RAF1: variants seen among roughly 807,000 people sequenced by gnomAD.
RAF1 encodes Raf-1 proto-oncogene, serine/threonine kinase.
Under a neutral mutation model 81.1 loss-of-function variants are expected in RAF1, and 27 were observed. The ratio of observed to expected loss-of-function variants is 0.33; its 90% confidence interval spans 0.25 to 0.46. The LOEUF (loss-of-function observed/expected upper bound fraction) is 0.46. Ranked by LOEUF, RAF1 falls within the 20% of genes least tolerant of loss-of-function variation. The pLI is 1.00. For synonymous variants in RAF1, 298 were observed against 294.0 expected (o/e 1.01, Z -0.14); for missense variants, 598 against 826.0 (o/e 0.72, Z 3.38).
chr3:12,629,572 A>G (rs1433528476), intron 1 of RAF1, among the ~76,000 whole-genome samples: 1 of 152,186 alleles, frequency 6.6e-6, no homozygotes, highest in Non-Finnish European at 1.5e-5. Context: ...ATAAAGGTTA[A>G]GTAAAAATGT....
At chr3:12,642,737 T>C (rs951770586) in intron 1 of RAF1, among the ~76,000 whole-genome samples, 2 of 140,156 alleles carry the variant, frequency 1.4e-5, no homozygotes, top group African/African-American at 5.4e-5. Flanking sequence ...CTGCGTATGG[T>C]GGCATGGGCC....
chr3:12,650,934 G>A (rs2060503942), intron 1 of RAF1, among the ~76,000 whole-genome samples: 1 of 152,108 alleles, frequency 6.6e-6, no homozygotes, highest in South Asian at 2.1e-4. Context: ...AGCTTAAAGG[G>A]GCAATATTTC....
intron 11 of RAF1, among the ~76,000 whole-genome samples, chr3:12,593,515 A>G (rs1390856656): frequency 6.6e-6 from 1 of 152,162 alleles, no homozygotes; most frequent in East Asian, 1.9e-4. Flanking sequence ...CAGCCTCCAA[A>G]GTGGCTCTCA....
At chr3:12,645,055 C>A (rs1472952404) in intron 1 of RAF1, among the ~76,000 whole-genome samples, 1 of 138,104 alleles carries the variant, frequency 7.2e-6, no homozygotes, top group Non-Finnish European at 1.5e-5. Flanking sequence ...GCCAAGAGCG[C>A]ATCACTGCAC....
chr3:12,592,662 C>A (rs2058553638), intron 11 of RAF1, among the ~76,000 whole-genome samples: 1 of 151,892 alleles, frequency 6.6e-6, no homozygotes, highest in Admixed American at 6.6e-5. Flanking sequence ...GTAAAACCAG[C>A]CTCTTGATAT....
intron 3 of RAF1, among the ~76,000 whole-genome samples, chr3:12,610,581 T>G (rs994045871): frequency 1.9e-4 from 29 of 152,174 alleles, no homozygotes; most frequent in African/African-American, 6.8e-4. Flanking sequence ...TGGGCTACCT[T>G]CAGCAAAAGT....
rs3730269 is a variant in RAF1 at position 12,611,734 on chromosome 3, G to T, written c.320+216C>A. Among the ~76,000 whole-genome samples, 35,109 of 152,050 alleles carry T rather than the reference G, an allele frequency of 0.23. 4,617 individuals carry two copies. The highest frequency in any genetic ancestry group is 0.36 in the African/African-American group (14,830 of 41,458). The stretch of plus-strand genomic sequence containing the variant: ...AAAAAATTACAGGTATTGGTCATCA[G>T]GCCCAGCTTAACGTGTATTTAACTT... On this transcript the variant is annotated intron_variant, in intron 3 of 17. Transcript: ENST00000442415.
intron 2 of RAF1, among the ~76,000 whole-genome samples, 153 bp from the exon 3 acceptor site, chr3:12,612,215 T>C (rs2059234967): frequency 1.3e-5 from 2 of 152,198 alleles, no homozygotes; most frequent in African/African-American, 4.8e-5. Context: ...AATAGGAAAG[T>C]ACTTGAATGG....
At chr3:12,644,328 C>A (rs925761293) in intron 1 of RAF1, among the ~76,000 whole-genome samples, 2 of 152,198 alleles carry the variant, frequency 1.3e-5, no homozygotes, top group African/African-American at 4.8e-5. Flanking sequence ...GTTATTTTAT[C>A]AACGTCTAGA....
chr3:12,621,289 C>T (rs1298317339), intron 1 of RAF1, among the ~76,000 whole-genome samples: 1 of 152,130 alleles, frequency 6.6e-6, no homozygotes, highest in Non-Finnish European at 1.5e-5. Context: ...CTTACCTTCC[C>T]ATATATAACA....
chr3:12,649,018 G>A (rs2881852), intron 1 of RAF1, among the ~76,000 whole-genome samples: 5,624 of 152,240 alleles, frequency 0.037, 355 homozygotes, highest in African/African-American at 0.13. Context: ...GGAGGCTGAG[G>A]CAGGAGAATT....
At chr3:12,648,281 G>A (rs1052396147) in intron 1 of RAF1, among the ~76,000 whole-genome samples, 1 of 70,280 alleles carries the variant, frequency 1.4e-5, no homozygotes, top group Non-Finnish European at 2.5e-5. Context: ...AAGTAACAGC[G>A]AAGTTAAAAA....
At chr3:12,627,051 A>C (rs2059726016) in intron 1 of RAF1, among the ~76,000 whole-genome samples, 1 of 151,324 alleles carries the variant, frequency 6.6e-6, no homozygotes, top group South Asian at 2.1e-4. Flanking sequence ...AAAAGAAAAA[A>C]CTCTTCATAT....
Position 12,646,206 on chromosome 3 carries a change from T to C in RAF1, c.-27+17607A>G, listed in dbSNP as rs143338742. On this transcript the variant is annotated intron_variant, in intron 1 of 17. Coordinates refer to ENST00000442415, the MANE Select transcript of RAF1 (RefSeq NM_001354689.3). ...CTAGGCTGGAAGTGCAGTAGCTTCATCATAGCTCACTGTAGCCTCAAACTC... is the reference window on the plus strand; with the variant it reads ...CTAGGCTGGAAGTGCAGTAGCTTCACCATAGCTCACTGTAGCCTCAAACTC... 4.0e-4 allele frequency among the ~76,000 whole-genome samples: 61 copies of C among 152,278 alleles called. No individual in the cohort carries two copies. The East Asian group carries it at 0.011, about 28-fold the overall frequency.
chr3:12,649,911 C>T (rs2060468875), intron 1 of RAF1, among the ~76,000 whole-genome samples: 1 of 151,946 alleles, frequency 6.6e-6, no homozygotes, highest in African/African-American at 2.4e-5. Flanking sequence ...CTTTGGGAGG[C>T]CGAGGCAGGC....
intron 11 of RAF1, among the ~76,000 whole-genome samples, chr3:12,596,556 A>T (rs1214459046): frequency 6.6e-6 from 1 of 152,154 alleles, no homozygotes; most frequent in Non-Finnish European, 1.5e-5. Flanking sequence ...ATGCTGCTTT[A>T]AATAAATATG....
rs545660528 is a variant in RAF1 at position 12,634,230 on chromosome 3, T to C, written c.-26-15483A>G. On this transcript the variant is annotated intron_variant, in intron 1 of 17. Transcript: ENST00000442415. ...TGGCATGACCTTGCTCACTGCAGCC[T>C]CCGCCTCCCAGGTTCAAGCGATTCT... Among the ~76,000 whole-genome samples, 449 of 150,774 alleles carry C rather than the reference T, an allele frequency of 3.0e-3. 2 individuals carry two copies. Among genetic ancestry groups the C allele is most frequent in the Middle Eastern group, 0.01 (3 of 292 alleles).
intron 3 of RAF1, among the ~76,000 whole-genome samples, chr3:12,611,364 C>T (rs1176332953): frequency 6.6e-6 from 1 of 151,964 alleles, no homozygotes; most frequent in Non-Finnish European, 1.5e-5. Flanking sequence ...ACTACAGGGC[C>T]GCACCACCAT....
intron 1 of RAF1, among the ~76,000 whole-genome samples, chr3:12,642,719 C>CACACACAAAA (rs1491570753): frequency 4.9e-5 from 7 of 141,478 alleles, no homozygotes; most frequent in Non-Finnish European, 1.1e-4. Context: ...CACACACACA[C>CACACACAAAA]AAAATAGCTG....
Sources: allele counts gnomAD v4.1 joint callset (sites outside exome capture counted in the v4.1 genomes callset), GRCh38; gene constraint gnomAD v4.1.1; transcripts MANE v1.5; gene names NCBI Gene and HGNC (gene_info 2026-07-23, HGNC 2026-07-21).